Variants in QKI observed in about 807,000 individuals in gnomAD.
QKI encodes the protein QKI, KH domain containing RNA binding.
In QKI, 10 loss-of-function variants were observed where a neutral mutation model predicts 39.0. That is an observed-to-expected ratio of 0.26 (90% CI 0.16 to 0.43). The LOEUF is 0.43. Ranked by LOEUF, QKI falls within the 20% of genes least tolerant of loss-of-function variation. QKI has a pLI of 1.00. For synonymous variants in QKI, 204 were observed against 155.4 expected (o/e 1.31, Z -2.33); for missense variants, 218 against 428.0 (o/e 0.51, Z 4.33).
At chr6:163,416,915 CAAAA>C (rs4055816) in intron 1 of QKI, among the ~76,000 whole-genome samples, 68 of 147,062 alleles carry the variant, frequency 4.6e-4, no homozygotes, top group Non-Finnish European at 6.2e-4. Context: ...TCTGGAATGT[CAAAA>C]AAAAAAAAAA....
At position 163,454,189 on chromosome 6, in the gene QKI, G is replaced by A. The variant is rs560482471; in HGVS notation, c.143-1090G>A. On this transcript the variant is annotated intron_variant, in intron 1 of 7. Coordinates refer to ENST00000361752, the MANE Select transcript of QKI (RefSeq NM_006775.3). The stretch of plus-strand genomic sequence containing the variant: ...CCTTAATAATGACAACCCTTATTGG[G>A]CAGTATGTTCCAAAGGACAGGAGCC... 5.3e-5 allele frequency among the ~76,000 whole-genome samples: 8 copies of A among 152,142 alleles called. No homozygotes were observed. The East Asian group carries it at 1.5e-3, about 29-fold the overall frequency.
chr6:163,501,334 T>C (rs1778751018), intron 3 of QKI, among the ~76,000 whole-genome samples: 1 of 151,176 alleles, frequency 6.6e-6, no homozygotes, highest in Admixed American at 6.6e-5. Flanking sequence ...TTTTAGACAA[T>C]AGTTGTTTAA....
intron 3 of QKI, among the ~76,000 whole-genome samples, chr6:163,487,312 C>T (rs879609925): frequency 6.6e-6 from 1 of 152,076 alleles, no homozygotes; most frequent in Non-Finnish European, 1.5e-5. Flanking sequence ...TCTCTCATTC[C>T]CCATTGCCTC....
intron 4 of QKI, among the ~76,000 whole-genome samples, chr6:163,535,463 C>T (rs1315055467): frequency 6.6e-6 from 1 of 151,782 alleles, no homozygotes; most frequent in African/African-American, 2.4e-5. Context: ...GGGTTGGCTC[C>T]TTATTGTTTC....
intron 3 of QKI, among the ~76,000 whole-genome samples, chr6:163,488,342 AG>A (rs1777813405): frequency 6.6e-6 from 1 of 151,448 alleles, no homozygotes; most frequent in Non-Finnish European, 1.5e-5. Flanking sequence ...AAAAAAAGAG[AG>A]AGAGAGAGAA....
intron 3 of QKI, among the ~76,000 whole-genome samples, chr6:163,517,210 C>T (rs551469394): frequency 1.3e-5 from 2 of 152,150 alleles, no homozygotes; most frequent in African/African-American, 2.4e-5. Flanking sequence ...AAGGAAGATC[C>T]AGAGGGCACT....
chr6:163,548,111 T>C (rs75193892), intron 4 of QKI, among the ~76,000 whole-genome samples: 4,230 of 152,296 alleles, frequency 0.028, 193 homozygotes, highest in African/African-American at 0.096. Context: ...TTGTATTCTG[T>C]ACTAATATTA....
intron 2 of QKI, among the ~76,000 whole-genome samples, chr6:163,477,927 A>G (rs1792750773): frequency 6.6e-6 from 1 of 152,238 alleles, no homozygotes; most frequent in Non-Finnish European, 1.5e-5. Flanking sequence ...CATAAGAATC[A>G]GTACCTATTT....
intron 3 of QKI, among the ~76,000 whole-genome samples, chr6:163,524,421 A>G (rs1473816233): frequency 3.4e-5 from 5 of 148,616 alleles, no homozygotes; most frequent in Non-Finnish European, 7.4e-5. Context: ...ATGTCATTTT[A>G]TTTGTTGTTC....
At chr6:163,493,136 T>A (rs1478339727) in intron 3 of QKI, among the ~76,000 whole-genome samples, 1 of 151,050 alleles carries the variant, frequency 6.6e-6, no homozygotes, top group Non-Finnish European at 1.5e-5. Flanking sequence ...TACAATACTT[T>A]TTTTTTTTTT....
intron 2 of QKI, among the ~76,000 whole-genome samples, chr6:163,469,746 C>T (rs771457130): frequency 2.2e-4 from 34 of 152,084 alleles, no homozygotes; most frequent in Non-Finnish European, 2.5e-4. Flanking sequence ...TTAATGTAAT[C>T]TGTGACTTAC....
rs5881539 is a variant in QKI, at chr6:163,541,511, T to TTCC, written c.546+6386_546+6387insTCC. Among the ~76,000 whole-genome samples, 4 of 150,770 alleles carry TTCC rather than the reference T, an allele frequency of 2.7e-5. No homozygotes were observed. The South Asian group carries it at 8.4e-4, about 32-fold the overall frequency. ...CCTATGTCTACCCTTTTTTTTTTTT[T>TTCC]CCTTTTCTCTAGTTTTGTCTGTTAC... On this transcript the variant is annotated intron_variant, in intron 4 of 7. Transcript: ENST00000361752.
chr6:163,505,865 CAG>C (rs1174937847), intron 3 of QKI, among the ~76,000 whole-genome samples: 2 of 151,974 alleles, frequency 1.3e-5, no homozygotes, highest in Non-Finnish European at 2.9e-5. Flanking sequence ...TTGGAGGGGT[CAG>C]GGGCGGAATT....
intron 3 of QKI, among the ~76,000 whole-genome samples, chr6:163,534,429 T>C (rs552497807): frequency 6.6e-5 from 10 of 152,318 alleles, no homozygotes; most frequent in Non-Finnish European, 1.2e-4. Flanking sequence ...TTTCTAATGC[T>C]GAATACAACC....
intron 1 of QKI, among the ~76,000 whole-genome samples, chr6:163,439,342 T>TG (rs1168348860): frequency 6.8e-6 from 1 of 146,226 alleles, no homozygotes; most frequent in Non-Finnish European, 1.5e-5. Context: ...TTTTTTTTGT[T>TG]TTTTTTTTTT....
chr6:163,504,828 T>C (rs1778997588), intron 3 of QKI, among the ~76,000 whole-genome samples: 1 of 152,194 alleles, frequency 6.6e-6, no homozygotes, highest in Non-Finnish European at 1.5e-5. Context: ...ATTTGGATGC[T>C]TTTTCTTTCT....
intron 3 of QKI, among the ~76,000 whole-genome samples, chr6:163,485,323 C>T (rs1777587792): frequency 6.6e-6 from 1 of 152,172 alleles, no homozygotes; most frequent in Non-Finnish European, 1.5e-5. Context: ...GAAATGTATT[C>T]ATGCTAGGAG....
intron 2 of QKI, among the ~76,000 whole-genome samples, chr6:163,474,787 TAAAAAAA>T (rs35897463): frequency 1.8e-5 from 2 of 108,638 alleles, no homozygotes; most frequent in Admixed American, 1.0e-4. Flanking sequence ...ACAAAAAAGT[TAAAAAAA>T]AAAAAAAAAA....
intron 3 of QKI, among the ~76,000 whole-genome samples, chr6:163,503,350 C>T (rs1255942653): frequency 2.0e-5 from 3 of 151,962 alleles, no homozygotes; most frequent in Non-Finnish European, 4.4e-5. Context: ...AGCCAGCTCT[C>T]CCAGCACCAT....
Sources: allele counts gnomAD v4.1 joint callset (sites outside exome capture counted in the v4.1 genomes callset), GRCh38; gene constraint gnomAD v4.1.1; transcripts MANE v1.5; gene names NCBI Gene and HGNC (gene_info 2026-07-23, HGNC 2026-07-21).